Variants in GNB4 observed in about 807,000 individuals in gnomAD.
The protein encoded by GNB4 is guanine nucleotide-binding protein subunit beta-4.
Under a neutral mutation model 45.2 loss-of-function variants are expected in GNB4, and 28 were observed. The ratio of observed to expected loss-of-function variants is 0.62; its 90% CI spans 0.46 to 0.85. The LOEUF is 0.85. Among genes scored for constraint, GNB4 ranks in the 40% least tolerant of loss-of-function variants. GNB4 has a pLI of 0.00. For missense variants in GNB4, 321 were observed against 425.4 expected (o/e 0.75, Z 2.16); for synonymous variants, 132 against 143.7 (o/e 0.92, Z 0.58).
intron 9 of GNB4, among the ~76,000 whole-genome samples, chr3:179,404,542 C>T (rs917222757): frequency 3.3e-5 from 5 of 151,180 alleles, no homozygotes; most frequent in African/African-American, 4.9e-5. Context: ...ACAAAGGGGG[C>T]GGGGAGAGAG....
chr3:179,520,813 G>A, the GNB4 span, among the ~76,000 whole-genome samples: 1 of 151,956 alleles, frequency 6.6e-6, no homozygotes, highest in Non-Finnish European at 1.5e-5. Flanking sequence ...CTTCTTTCCT[G>A]TTCCTCACCC....
the GNB4 span, among the ~76,000 whole-genome samples, chr3:179,523,022 C>T: frequency 6.6e-6 from 1 of 151,914 alleles, no homozygotes; most frequent in East Asian, 1.9e-4. Flanking sequence ...GATTTAGGAT[C>T]TATGGGGTCA....
At chr3:179,456,233 A>G (rs576269282), upstream of GNB4, among the ~76,000 whole-genome samples, 5 of 151,620 alleles carry the variant, frequency 3.3e-5, no homozygotes, top group African/African-American at 1.2e-4. Flanking sequence ...GTGGGATTAT[A>G]GGCATGTGCC....
At chr3:179,502,228 C>CTTTTTTT in the GNB4 span, among the ~76,000 whole-genome samples, 15 of 73,450 alleles carry the variant, frequency 2.0e-4, no homozygotes, top group African/African-American at 3.1e-4. Context: ...TTTTTCTTTT[C>CTTTTTTT]TTTTTTTTTT....
At chr3:179,527,710 C>CTA in the GNB4 span, among the ~76,000 whole-genome samples, 3 of 151,880 alleles carry the variant, frequency 2.0e-5, no homozygotes, top group African/African-American at 7.3e-5. Context: ...TAGTCTAAGA[C>CTA]TTACCTACTT....
At chr3:179,440,985 G>T (rs1181647189) in intron 1 of GNB4, among the ~76,000 whole-genome samples, 1 of 152,026 alleles carries the variant, frequency 6.6e-6, no homozygotes, top group African/African-American at 2.4e-5. Context: ...ATTTTCTTCT[G>T]CATTGTTCCT....
chr3:179,462,162 G>A, the GNB4 span, among the ~76,000 whole-genome samples: 1 of 143,450 alleles, frequency 7.0e-6, no homozygotes, highest in Admixed American at 6.8e-5. Context: ...GTGTATGTCT[G>A]TGTGTGTGCA....
the GNB4 span, among the ~76,000 whole-genome samples, chr3:179,520,101 G>A: frequency 6.6e-6 from 1 of 151,546 alleles, no homozygotes; most frequent in Middle Eastern, 3.2e-3. Context: ...ATTCTGTTCT[G>A]GATCTCAAAC....
upstream of GNB4, among the ~76,000 whole-genome samples, chr3:179,452,237 T>C (rs1057117967): frequency 1.3e-5 from 2 of 151,986 alleles, no homozygotes; most frequent in Admixed American, 6.6e-5. Context: ...TTTTTCACAT[T>C]TATCTGGGTG....
At chr3:179,515,448 T>A in the GNB4 span, among the ~76,000 whole-genome samples, 1 of 151,574 alleles carries the variant, frequency 6.6e-6, no homozygotes, top group African/African-American at 2.4e-5. Flanking sequence ...AGGATTTGGG[T>A]AGGTAGTAGA....
At chr3:179,472,822 C>T in the GNB4 span, among the ~76,000 whole-genome samples, 2 of 152,198 alleles carry the variant, frequency 1.3e-5, no homozygotes, top group Non-Finnish European at 2.9e-5. Flanking sequence ...CTACTCACTG[C>T]CACTGATTTA....
the GNB4 span, among the ~76,000 whole-genome samples, chr3:179,481,208 G>T: frequency 6.6e-6 from 1 of 152,106 alleles, no homozygotes; most frequent in Non-Finnish European, 1.5e-5. Flanking sequence ...AATTCCATGA[G>T]CTCCATGGAT....
At chr3:179,468,035 A>AAAAAAAAATATATATATATAT in the GNB4 span, among the ~76,000 whole-genome samples, 229 of 89,838 alleles carry the variant, frequency 2.5e-3, 15 homozygotes, top group African/African-American at 8.3e-3. Flanking sequence ...TGTTGATAAA[A>AAAAAAAAATATATATATATAT]ATATATATAT....
chr3:179,427,605 TAAA>T (rs67400722), intron 1 of GNB4, among the ~76,000 whole-genome samples: 27,476 of 129,636 alleles, frequency 0.21, 3,044 homozygotes, highest in Admixed American at 0.26. Context: ...ACTCTGGCTT[TAAA>T]AAAAAAAAAA....
chr3:179,471,389 G>A, the GNB4 span, among the ~76,000 whole-genome samples: 1 of 152,158 alleles, frequency 6.6e-6, no homozygotes. Context: ...TTCATGGTAA[G>A]TGCCTTATAC....
the GNB4 span, among the ~76,000 whole-genome samples, chr3:179,457,508 C>T: frequency 6.6e-6 from 1 of 152,194 alleles, no homozygotes; most frequent in African/African-American, 2.4e-5. Flanking sequence ...CATTTCTTAT[C>T]ACATTCTAGC....
At chr3:179,527,490 G>A in the GNB4 span, among the ~76,000 whole-genome samples, 1 of 152,068 alleles carries the variant, frequency 6.6e-6, no homozygotes, top group South Asian at 2.1e-4. Context: ...GCCAAGAGCT[G>A]CACTAAATGT....
chr3:179,429,771 C>T lies in GNB4; in HGVS notation c.-42-3529G>A, dbSNP rs186731562. Among the ~76,000 whole-genome samples, 429 of 152,318 alleles carry T rather than the reference C, an allele frequency of 2.8e-3. 5 individuals are homozygous for T. Among genetic ancestry groups the T allele is most frequent in the African/African-American group, 0.01 (423 of 41,586 alleles). On this transcript the variant is annotated intron_variant, in intron 1 of 9. Coordinates refer to ENST00000232564, the MANE Select transcript of GNB4 (RefSeq NM_021629.4). ...AGTCAAACAATGGGGCATATCAGTT[C>T]TACTACAAATTCACATCACCAATCT...
At chr3:179,414,739 A>T in intron 6 of GNB4, 146 bp downstream of exon 6, 1 of 533,176 alleles carries the variant, frequency 1.9e-6, no homozygotes, top group Non-Finnish European at 3.2e-6. Context: ...ATAAAAAGTT[A>T]ATGTTTCCTT....
Sources: gnomAD v4.1 joint callset for allele counts (sites outside exome capture counted in the v4.1 genomes callset) on GRCh38, gnomAD v4.1.1 for gene constraint, MANE v1.5 for transcripts, NCBI Gene and HGNC (gene_info 2026-07-23, HGNC 2026-07-21) for gene names.